The following GULP1 variants were observed in gnomAD, a reference collection of about 807,000 sequenced individuals.
GULP1 encodes GULP PTB domain containing engulfment adaptor 1.
In GULP1, 19 loss-of-function variants were observed where a neutral mutation model predicts 40.9. The observed-to-expected ratio is 0.46, with a 90% confidence interval of 0.32 to 0.68. The LOEUF (loss-of-function observed/expected upper bound fraction) is 0.68, where lower values mean the gene tolerates loss of function less well. GULP1 is among the 30% of genes least tolerant of loss of function. The pLI, the probability that GULP1 is intolerant of heterozygous loss-of-function variation, is 0.03. For missense variants in GULP1, 312 were observed against 362.2 expected (o/e 0.86, Z 1.12); for synonymous variants, 119 against 117.6 (o/e 1.01, Z -0.08).
chr2:188,399,041 A>G (rs2051706831), intron 2 of GULP1, among the ~76,000 whole-genome samples: 1 of 152,254 alleles, frequency 6.6e-6, no homozygotes, highest in Admixed American at 6.5e-5. Flanking sequence ...CTGTGAAACA[A>G]CACCTATTTA....
chr2:188,585,893 T>C (rs1702270501), intron 10 of GULP1, among the ~76,000 whole-genome samples: 1 of 152,266 alleles, frequency 6.6e-6, no homozygotes, highest in African/African-American at 2.4e-5. Context: ...GTTTTCTTTT[T>C]CTACCACATA....
chr2:188,561,050 G>C (rs1283834411), intron 7 of GULP1, among the ~76,000 whole-genome samples: 1 of 152,240 alleles, frequency 6.6e-6, no homozygotes, highest in African/African-American at 2.4e-5. Flanking sequence ...AACAGCATTA[G>C]TGAGATCTGC....
At chr2:188,567,722 A>G (rs550138551) in intron 7 of GULP1, among the ~76,000 whole-genome samples, 50 of 152,196 alleles carry the variant, frequency 3.3e-4, no homozygotes, top group Non-Finnish European at 6.5e-4. Context: ...CTGTATAACT[A>G]ACCTGCACAT....
intron 1 of GULP1, among the ~76,000 whole-genome samples, chr2:188,335,958 A>C (rs913817432): frequency 6.6e-6 from 1 of 152,210 alleles, no homozygotes; most frequent in Non-Finnish European, 1.5e-5. Context: ...TATTATTAAG[A>C]GAATATAAAC....
At chr2:188,471,623 T>A (rs2060599667) in intron 2 of GULP1, among the ~76,000 whole-genome samples, 2 of 152,182 alleles carry the variant, frequency 1.3e-5, no homozygotes, top group African/African-American at 4.8e-5. Context: ...TTAACACTGT[T>A]TGCATAAACC....
At chr2:188,378,821 C>T (rs928566623) in intron 1 of GULP1, among the ~76,000 whole-genome samples, 1 of 152,164 alleles carries the variant, frequency 6.6e-6, no homozygotes, top group Non-Finnish European at 1.5e-5. Flanking sequence ...TTGGGGATCA[C>T]ATTTCAACAT....
chr2:188,594,551 A>C lies in GULP1; in HGVS notation c.*540A>C, dbSNP rs1386062706. 1 of 151,858 alleles carries C rather than the reference A, an allele frequency of 6.6e-6. No individual in the cohort carries two copies. Among genetic ancestry groups the C allele is most frequent in the African/African-American group, 2.4e-5 (1 of 41,414 alleles). The allele number at this position is 151,858 out of a possible 1,614,324, so 9.4% of individuals were successfully genotyped here. ...TTAAACATAATGCCACAAGGTCACT[A>C]ATTTCTAGCAGGTAAAATTATAAGG... On this transcript the variant is annotated 3_prime_UTR_variant, in exon 12 of 12. Transcript: ENST00000409830.
intron 1 of GULP1, among the ~76,000 whole-genome samples, chr2:188,331,674 A>G (rs1361631102): frequency 1.3e-5 from 2 of 152,302 alleles, no homozygotes; most frequent in East Asian, 1.9e-4. Flanking sequence ...CCATTTTGGT[A>G]TGTAATGACA....
rs1385923148 is a variant in GULP1 at position 188,439,602 on chromosome 2, C to T, written c.-44-38057C>T. On this transcript the variant is annotated intron_variant, in intron 2 of 11. Transcript: ENST00000409830. ...CATGCTACTGGTGTGTGTGTGTATG[C>T]GTATTTGTTTGTGTGTTCTGTAATG... is the stretch of plus-strand genomic sequence containing the variant. 7.9e-5 allele frequency among the ~76,000 whole-genome samples: 12 copies of T among 151,800 alleles called. No homozygotes were observed. The East Asian group carries it at 1.7e-3, about 22-fold the overall frequency.
At chr2:188,571,467 G>C (rs915925177) in intron 9 of GULP1, among the ~76,000 whole-genome samples, 3 of 152,148 alleles carry the variant, frequency 2.0e-5, no homozygotes, top group African/African-American at 7.2e-5. Flanking sequence ...CTTGGCAGAT[G>C]GTTTGTGCCA....
chr2:188,411,642 A>G (rs1325968871), intron 2 of GULP1, among the ~76,000 whole-genome samples: 1 of 152,140 alleles, frequency 6.6e-6, no homozygotes, highest in African/African-American at 2.4e-5. Context: ...CCACTAAGAG[A>G]ATTTCATCCA....
In GULP1 at chr2:188,292,791, A is replaced by G. The variant is rs1411774918; in HGVS notation, c.-172+625A>G. 6.6e-6 allele frequency: 1 copy of G among 152,318 alleles called. No individual in the cohort carries two copies. The highest frequency in any genetic ancestry group is 1.5e-5 in the Non-Finnish European group (1 of 68,368). 9.4% of individuals were successfully genotyped at this position (152,318 alleles called of 1,614,324 possible). A position where few individuals can be genotyped will look rare whatever the true frequency, so the allele number is the denominator to read the frequency against. On this transcript the variant is annotated intron_variant, in intron 1 of 11. Transcript: ENST00000409830. This position sits in a 1 kb window ranked among gnomAD's most constrained non-coding sequence, Gnocchi z 4.0. ...GGGCCCAAAGGAAGGGGCGGCGTCC[A>G]CATGGTTACCCTTCTGCTGCGCGGG...
At chr2:188,564,173 T>C (rs1237719404) in intron 7 of GULP1, among the ~76,000 whole-genome samples, 1 of 151,948 alleles carries the variant, frequency 6.6e-6, no homozygotes, top group Non-Finnish European at 1.5e-5. Flanking sequence ...GGTAAATTAT[T>C]GAATGCTTTC....
intron 2 of GULP1, among the ~76,000 whole-genome samples, chr2:188,462,508 A>C (rs887959759): frequency 5.9e-5 from 9 of 152,134 alleles, no homozygotes; most frequent in Non-Finnish European, 1.3e-4. Flanking sequence ...TCCAGTGCTT[A>C]TAGTGGGGCG....
In GULP1 at chr2:188,385,853, C is replaced by T. The variant is rs145246567; in HGVS notation, c.-45+1964C>T. On this transcript the variant is annotated intron_variant, in intron 2 of 11. Transcript: ENST00000409830. ...CAAGTTCCTCATCTCTGTCTGAGAC[C>T]ACCTCAGCCTGGATGTCATTGTCCA... Among the ~76,000 whole-genome samples, 652 of 152,228 alleles carry T rather than the reference C, an allele frequency of 4.3e-3. 5 individuals are homozygous for T. Among genetic ancestry groups the T allele is most frequent in the African/African-American group, 0.015 (617 of 41,540 alleles).
At chr2:188,313,594 T>A (rs1006654419) in intron 1 of GULP1, among the ~76,000 whole-genome samples, 2 of 152,034 alleles carry the variant, frequency 1.3e-5, no homozygotes, top group Non-Finnish European at 2.9e-5. Context: ...CTTGGCTATA[T>A]GGGGTGTTCT....
At chr2:188,522,166 G>T (rs768852701) in intron 4 of GULP1, among the ~76,000 whole-genome samples, 7 of 152,034 alleles carry the variant, frequency 4.6e-5, no homozygotes, top group Non-Finnish European at 8.8e-5. Context: ...TTACTTAGTT[G>T]TATATCTTGG....
At chr2:188,411,025 C>T (rs547044215) in intron 2 of GULP1, among the ~76,000 whole-genome samples, 13 of 152,276 alleles carry the variant, frequency 8.5e-5, no homozygotes, top group Non-Finnish European at 1.8e-4. Context: ...TTGCTCTCTA[C>T]TTGGGAGGTC....
At position 188,327,987 on chromosome 2, in the gene GULP1, G is replaced by T. The variant is rs541386934; in HGVS notation, c.-172+35821G>T. Reference sequence around the variant, plus strand: ...TTCCAAATGATCCTACATGCCCAGAGTGATGAGTAAAAGTACATACCAAGA... The same window carrying T: ...TTCCAAATGATCCTACATGCCCAGATTGATGAGTAAAAGTACATACCAAGA... On this transcript the variant is annotated intron_variant, in intron 1 of 11. Transcript: ENST00000409830. Among the ~76,000 whole-genome samples, 3 of 152,210 alleles carry T rather than the reference G, an allele frequency of 2.0e-5. No homozygotes were observed. The South Asian group carries it at 6.2e-4, about 32-fold the overall frequency.
Sources: allele counts gnomAD v4.1 joint callset (sites outside exome capture counted in the v4.1 genomes callset), GRCh38; gene constraint gnomAD v4.1.1; non-coding constraint Gnocchi (gnomAD v3.1); transcripts MANE v1.5; gene names NCBI Gene and HGNC (gene_info 2026-07-23, HGNC 2026-07-21).